Variants in NEK1 observed in about 807,000 individuals in gnomAD.
NEK1 encodes the protein NIMA related kinase 1.
NEK1 carries 137 observed loss-of-function variants against 182.1 expected under a neutral mutation model. The ratio of observed to expected loss-of-function variants is 0.75; its 90% CI spans 0.65 to 0.87. The LOEUF (loss-of-function observed/expected upper bound fraction) is 0.87. Among genes scored for constraint, NEK1 ranks in the 40% least tolerant of loss-of-function variants. The pLI is 0.00. For missense variants in NEK1, 1,391 were observed against 1,494.4 expected (o/e 0.93, Z 1.14); for synonymous variants, 513 against 492.2 (o/e 1.04, Z -0.56).
chr4:169,598,462 GTAGAGTATTAA>G (rs1769934104), intron 5 of NEK1, among the ~76,000 whole-genome samples: 1 of 151,944 alleles, frequency 6.6e-6, no homozygotes, highest in East Asian at 1.9e-4. Flanking sequence ...AAAAAAAAAG[GTAGAGTATTAA>G]TAACAAAGTT....
At chr4:169,591,213 A>C (rs1372277352) in intron 5 of NEK1, among the ~76,000 whole-genome samples, 1 of 148,800 alleles carries the variant, frequency 6.7e-6, no homozygotes, top group Non-Finnish European at 1.5e-5. Context: ...TCGTGTTATC[A>C]TAGTTCACTT....
At chr4:169,536,568 C>T (rs1470216691) in intron 19 of NEK1, among the ~76,000 whole-genome samples, 3 of 151,934 alleles carry the variant, frequency 2.0e-5, no homozygotes, top group East Asian at 1.9e-4. Flanking sequence ...ACCACCATTA[C>T]AAATTATCAT....
At chr4:169,599,474 C>T (rs187263398) in intron 4 of NEK1, among the ~76,000 whole-genome samples, 9 of 152,218 alleles carry the variant, frequency 5.9e-5, no homozygotes, top group East Asian at 1.9e-4. Context: ...GAAATATAAA[C>T]AAAATGCAGA....
At chr4:169,504,956 T>G (rs1050128854) in intron 23 of NEK1, among the ~76,000 whole-genome samples, 3 of 152,130 alleles carry the variant, frequency 2.0e-5, no homozygotes, top group Admixed American at 2.0e-4. Context: ...TAGTTTGCAT[T>G]TATGCCTGTA....
intron 31 of NEK1, among the ~76,000 whole-genome samples, chr4:169,411,297 T>A (rs569329206): frequency 6.6e-5 from 10 of 152,168 alleles, no homozygotes; most frequent in African/African-American, 2.4e-4. Flanking sequence ...TTTTTTTTTT[T>A]TTTTTAGTCT....
At chr4:169,496,389 C>G (rs1405477905) in intron 23 of NEK1, among the ~76,000 whole-genome samples, 1 of 151,018 alleles carries the variant, frequency 6.6e-6, no homozygotes, top group Admixed American at 6.6e-5. Context: ...ATTGAATACC[C>G]TTTATTTCCT....
In NEK1 at chr4:169,503,158, T is replaced by C. The variant is rs142360065; in HGVS notation, c.2007+3879A>G. 3.0e-3 allele frequency among the ~76,000 whole-genome samples: 450 copies of C among 152,142 alleles called. 1 individual carries two copies. The highest frequency in any genetic ancestry group is 0.01 in the African/African-American group (419 of 41,532). On this transcript the variant is annotated intron_variant, in intron 23 of 35. Transcript: ENST00000507142. ...ACTCACACACAAAAATACTGAGGAA[T>C]ACATTTACCCAAGGAGGTGAAAGAT...
chr4:169,603,132 A>G (rs889736047), intron 2 of NEK1, among the ~76,000 whole-genome samples: 1 of 152,176 alleles, frequency 6.6e-6, no homozygotes, highest in Non-Finnish European at 1.5e-5. Flanking sequence ...TGCTTATTGT[A>G]AGGATTTCCT....
intron 4 of NEK1, 22 bp downstream of exon 4, chr4:169,601,984 ACT>A (rs1560789049): frequency 2.7e-6 from 4 of 1,502,094 alleles, no homozygotes; most frequent in African/African-American, 1.4e-5. Flanking sequence ...GGATTTTTTA[ACT>A]CTCTCGCATA....
At chr4:169,419,196 A>C (rs867332321) in intron 31 of NEK1, among the ~76,000 whole-genome samples, 1 of 152,288 alleles carries the variant, frequency 6.6e-6, no homozygotes, top group South Asian at 2.1e-4. Flanking sequence ...AGAGAAAGAT[A>C]CTCTATATAC....
rs7680152 is a variant in NEK1 at position 169,433,685 on chromosome 4, C to T, written c.2765-20G>A. 1,410,943 of 1,609,706 alleles carry T rather than the reference C, an allele frequency of 0.88. 622,231 individuals are homozygous for T. The highest frequency in any genetic ancestry group is 0.92 in the South Asian group (82,490 of 90,066). On this transcript the variant is annotated intron_variant, in intron 28 of 35. Transcript: ENST00000507142. ...CAGGTTCTGCAAAGGATAAACGTAA[C>T]GAGAGACATCTCAAAGCAAAATTTG...
At chr4:169,440,786 C>T (rs966544956) in intron 27 of NEK1, among the ~76,000 whole-genome samples, 4 of 152,170 alleles carry the variant, frequency 2.6e-5, no homozygotes, top group African/African-American at 9.7e-5. Context: ...GCTCCTCAGC[C>T]CTCAAGCGCC....
chr4:169,424,865 A>C, intron 30 of NEK1, 65 bp from the exon 31 acceptor site: 2 of 1,457,378 alleles, frequency 1.4e-6, no homozygotes, highest in Middle Eastern at 3.7e-4. Flanking sequence ...AATGATATTG[A>C]TAAGGCACAG....
chr4:169,569,467 C>CCTCCCTCTCTCCCTCT lies in NEK1; in HGVS notation c.1021-7287_1021-7272dup, dbSNP rs201240082. Among the ~76,000 whole-genome samples, 18 of 118,268 alleles carry CCTCCCTCTCTCCCTCT rather than the reference C, an allele frequency of 1.5e-4. No individual in the cohort carries two copies. In the East Asian group the frequency reaches 1.7e-3, roughly 11 times the overall value. The allele number at this position is 118,268 out of a possible 152,430, so 77.6% of individuals were successfully genotyped here. A position where few individuals can be genotyped will look rare whatever the true frequency, so the allele number is the denominator to read the frequency against. On this transcript the variant is annotated intron_variant, in intron 12 of 35. Transcript: ENST00000507142. ...CTCTCCCTCCCTCCCTCTCTCCCTC[C>CCTCCCTCTCTCCCTCT]CTCCCTCTCTCCCTCTCTCCCTCTC...
At chr4:169,571,050 G>T (rs1220084714) in intron 12 of NEK1, among the ~76,000 whole-genome samples, 2 of 151,890 alleles carry the variant, frequency 1.3e-5, no homozygotes, top group Non-Finnish European at 2.9e-5. Context: ...GCGGAAGGCT[G>T]CAGGGTCCTC....
At chr4:169,571,529 T>C (rs1764849452) in intron 12 of NEK1, among the ~76,000 whole-genome samples, 1 of 152,234 alleles carries the variant, frequency 6.6e-6, no homozygotes, top group African/African-American at 2.4e-5. Context: ...AAAGGCTCTA[T>C]TCATAAAGCA....
chr4:169,584,981 T>A (rs1767287863), intron 10 of NEK1, among the ~76,000 whole-genome samples: 1 of 152,074 alleles, frequency 6.6e-6, no homozygotes, highest in Non-Finnish European at 1.5e-5. Flanking sequence ...AGGCCAGGAG[T>A]TCCAGACAAG....
chr4:169,479,566 G>T (rs775642091), intron 23 of NEK1, 32 bp from the exon 24 acceptor site: 84 of 1,518,276 alleles, frequency 5.5e-5, no homozygotes, highest in Non-Finnish European at 7.5e-5. Flanking sequence ...AATACATTAG[G>T]GATTTTATAT....
intron 18 of NEK1, among the ~76,000 whole-genome samples, chr4:169,541,366 C>CA (rs1759382588): frequency 6.6e-6 from 1 of 152,126 alleles, no homozygotes; most frequent in Non-Finnish European, 1.5e-5. Flanking sequence ...GCCATTTCAA[C>CA]AGTACATGGC....
Sources: allele counts gnomAD v4.1 joint callset (sites outside exome capture counted in the v4.1 genomes callset), GRCh38; gene constraint gnomAD v4.1.1; transcripts MANE v1.5; gene names NCBI Gene and HGNC (gene_info 2026-07-23, HGNC 2026-07-21).